KCNK2: variants seen among roughly 807,000 people sequenced by gnomAD.
KCNK2 encodes potassium channel subfamily K member 2.
A neutral mutation model predicts 40.5 loss-of-function variants in KCNK2; 21 were observed. The ratio of observed to expected loss-of-function variants is 0.52; its 90% CI spans 0.37 to 0.75. The LOEUF is 0.75. Ranked by LOEUF, KCNK2 falls within the 30% of genes least tolerant of loss-of-function variation. The probability of loss-of-function intolerance (pLI) is 0.00; values close to 1 mark genes in which losing one functional copy is unlikely to be tolerated. For synonymous variants in KCNK2, 191 were observed against 202.2 expected (o/e 0.94, Z 0.47); for missense variants, 399 against 531.6 (o/e 0.75, Z 2.45).
intron 2 of KCNK2, among the ~76,000 whole-genome samples, chr1:215,089,079 C>A (rs972583279): frequency 2.6e-5 from 4 of 152,200 alleles, no homozygotes; most frequent in South Asian, 4.1e-4. Context: ...GTAAATAAGC[C>A]AATAATCATA....
At chr1:215,014,118 G>T (rs761927440) in intron 1 of KCNK2, among the ~76,000 whole-genome samples, 5 of 151,990 alleles carry the variant, frequency 3.3e-5, no homozygotes, top group Non-Finnish European at 7.4e-5. Context: ...GTTTATTATA[G>T]ATGAGTTTCA....
chr1:215,100,784 T>C (rs1165047175), intron 2 of KCNK2, among the ~76,000 whole-genome samples: 1 of 152,028 alleles, frequency 6.6e-6, no homozygotes, highest in Admixed American at 6.6e-5. Flanking sequence ...GAGAAAATTA[T>C]TCCCAGTTGT....
chr1:215,059,158 T>C (rs28638349), intron 1 of KCNK2, among the ~76,000 whole-genome samples: 20 of 129,156 alleles, frequency 1.5e-4, no homozygotes, highest in South Asian at 3.0e-4. Flanking sequence ...TATATATATA[T>C]ACACACACAC....
chr1:215,197,352 G>A (rs1227015487), intron 6 of KCNK2, among the ~76,000 whole-genome samples: 1 of 152,176 alleles, frequency 6.6e-6, no homozygotes, highest in Non-Finnish European at 1.5e-5. Context: ...CCAAGAAGGT[G>A]CTAGCAGGGT....
At chr1:215,140,259 T>C (rs1662117245) in intron 3 of KCNK2, among the ~76,000 whole-genome samples, 1 of 152,336 alleles carries the variant, frequency 6.6e-6, no homozygotes, top group South Asian at 2.1e-4. Context: ...GTTGACTCAT[T>C]CTTTAGGCAA....
chr1:215,031,885 G>A (rs1046774818), intron 1 of KCNK2, among the ~76,000 whole-genome samples: 2 of 151,898 alleles, frequency 1.3e-5, no homozygotes, highest in Admixed American at 6.5e-5. Context: ...TCCAATATAT[G>A]TTTACAGTTA....
At chr1:215,113,031 A>G (rs1445980211) in intron 2 of KCNK2, among the ~76,000 whole-genome samples, 2 of 152,204 alleles carry the variant, frequency 1.3e-5, no homozygotes, top group Admixed American at 1.3e-4. Flanking sequence ...TGTCTACTCA[A>G]AAATCAGTAA....
chr1:215,236,630 A>C lies in KCNK2; in HGVS notation c.*1485A>C, dbSNP rs1486744271. The C allele has an allele frequency of 6.6e-6, 1 of 152,530 alleles. No homozygotes were observed. The highest frequency in any genetic ancestry group is 1.5e-5 in the Non-Finnish European group (1 of 68,032). The allele number at this position is 152,530 out of a possible 1,614,324, so 9.4% of individuals were successfully genotyped here. ...AAAAAATTCAGTAAATGCACCCCGT[A>C]AATTGCTACCCTTTCCTTTATTTTC... On this transcript the variant is annotated 3_prime_UTR_variant, in exon 7 of 7. Transcript: ENST00000444842.
At chr1:215,089,885 G>A (rs1186366296) in intron 2 of KCNK2, among the ~76,000 whole-genome samples, 1 of 150,158 alleles carries the variant, frequency 6.7e-6, no homozygotes, top group Non-Finnish European at 1.5e-5. Flanking sequence ...GGAGTGCAAT[G>A]GCGTGATCTC....
intron 2 of KCNK2, among the ~76,000 whole-genome samples, chr1:215,114,323 A>G (rs1660828580): frequency 6.6e-6 from 1 of 152,184 alleles, no homozygotes; most frequent in South Asian, 2.1e-4. Context: ...GTTCATTTTC[A>G]GCGCTGATGG....
At chr1:215,205,600 A>C (rs1283643744) in intron 6 of KCNK2, among the ~76,000 whole-genome samples, 1 of 152,138 alleles carries the variant, frequency 6.6e-6, no homozygotes, top group Non-Finnish European at 1.5e-5. Context: ...CCTCCAGCAC[A>C]ATTACCATAG....
intron 5 of KCNK2, 31 bp downstream of exon 5, chr1:215,172,214 TC>T: frequency 1.3e-6 from 2 of 1,564,358 alleles, no homozygotes; most frequent in South Asian, 1.1e-5. Flanking sequence ...ATGTTACTCT[TC>T]TAACAGGGGT....
At chr1:215,222,658 T>C (rs2102701820) in intron 6 of KCNK2, among the ~76,000 whole-genome samples, 1 of 151,854 alleles carries the variant, frequency 6.6e-6, no homozygotes, top group East Asian at 1.9e-4. Flanking sequence ...ATATTACATA[T>C]ACTTCTCAGA....
rs143134848 is a variant in KCNK2, at chr1:215,155,193, C to T, written c.476-14006C>T. ...CCATCACTATTTAGTGAATAATCAA[C>T]TCTTTTAAAATGACTTAGAATATCA... is the stretch of plus-strand genomic sequence containing the variant. On this transcript the variant is annotated intron_variant, in intron 3 of 6. Transcript: ENST00000444842. Among the ~76,000 whole-genome samples the T allele has an allele frequency of 5.4e-3, 816 of 152,190 alleles. 11 individuals carry two copies. Among genetic ancestry groups the T allele is most frequent in the African/African-American group, 0.019 (770 of 41,544 alleles).
At chr1:215,182,913 G>C (rs528017445) in intron 5 of KCNK2, among the ~76,000 whole-genome samples, 1 of 152,234 alleles carries the variant, frequency 6.6e-6, no homozygotes, top group South Asian at 2.1e-4. Context: ...TTCTCCCTTG[G>C]CCTGGGTTGC....
intron 3 of KCNK2, among the ~76,000 whole-genome samples, chr1:215,163,096 T>C (rs1663279378): frequency 6.6e-6 from 1 of 152,156 alleles, no homozygotes. Context: ...TGTCCTCTTT[T>C]ATTTCCTTGA....
chr1:215,106,001 C>A (rs527699895), intron 2 of KCNK2, among the ~76,000 whole-genome samples: 4 of 152,146 alleles, frequency 2.6e-5, no homozygotes, highest in Non-Finnish European at 5.9e-5. Flanking sequence ...TATTGACAGG[C>A]ACCTAGATTG....
At chr1:215,065,824 A>T (rs1212720275) in intron 1 of KCNK2, among the ~76,000 whole-genome samples, 1 of 152,160 alleles carries the variant, frequency 6.6e-6, no homozygotes, top group African/African-American at 2.4e-5. Flanking sequence ...GAAAGGAAGG[A>T]TGTCTCTTCT....
intron 2 of KCNK2, among the ~76,000 whole-genome samples, chr1:215,109,749 T>C (rs976020854): frequency 1.3e-5 from 2 of 152,150 alleles, no homozygotes; most frequent in Admixed American, 1.3e-4. Context: ...TACCTAATGC[T>C]GGACTGGATT....
Sources: allele counts gnomAD v4.1 joint callset (sites outside exome capture counted in the v4.1 genomes callset), GRCh38; gene constraint gnomAD v4.1.1; transcripts MANE v1.5; gene names NCBI Gene and HGNC (gene_info 2026-07-23, HGNC 2026-07-21).